Variants in MAST4 observed in about 807,000 individuals in gnomAD.
The protein encoded by MAST4 is microtubule-associated serine/threonine-protein kinase 4.
MAST4 carries 89 observed loss-of-function variants against 162.7 expected under a neutral mutation model. That is an observed-to-expected ratio of 0.55 (90% CI 0.46 to 0.65). The LOEUF is 0.65. MAST4 is among the 30% of genes least tolerant of loss of function. The pLI, the probability that MAST4 is intolerant of heterozygous loss-of-function variation, is 0.00. For missense variants in MAST4, 3,153 were observed against 3,374.0 expected, an observed-to-expected ratio of 0.93 and a Z score of 1.62; for synonymous variants, 1,479 against 1,361.1, an observed-to-expected ratio of 1.09 and a Z score of -1.91.
At position 67,166,848 on chromosome 5, in the gene MAST4, G is replaced by T. The variant is rs756182168; in HGVS notation, c.7669G>T (p.Val2557Leu). Reference sequence around the variant, plus strand: ...CAGGGCTCTCTCGGTGACTGCCACCGTAGGGGAAACCAAAGGGAAGGACCC... The same window carrying T: ...CAGGGCTCTCTCGGTGACTGCCACCTTAGGGGAAACCAAAGGGAAGGACCC... ...RDRALSVTATVGETKGKDPAP... is the reference protein window; with the variant it reads ...RDRALSVTATLGETKGKDPAP... The change falls in exon 29 of 29, where the codon GTA becomes TTA. Residue 2557 changes from valine (V) to leucine (L), a missense_variant. Transcript: ENST00000403625. 5 of 1,605,244 alleles carry T rather than the reference G, an allele frequency of 3.1e-6. No individual in the cohort carries two copies. The highest frequency in any genetic ancestry group is 2.2e-5 in the East Asian group (1 of 44,578).
chr5:66,767,783 C>T (rs1454304242), intron 2 of MAST4, among the ~76,000 whole-genome samples: 2 of 152,040 alleles, frequency 1.3e-5, no homozygotes, highest in Admixed American at 6.5e-5. Context: ...GCATCCAGCA[C>T]GAGAGAAAGA....
chr5:67,102,647 C>T (rs763480825), intron 9 of MAST4, 36 bp downstream of exon 9: 23 of 1,502,518 alleles, frequency 1.5e-5, no homozygotes, highest in East Asian at 9.0e-5. Context: ...AGCATCTAAA[C>T]GAACAGGCAC....
At chr5:67,155,265 G>A (rs886390411) in intron 26 of MAST4, among the ~76,000 whole-genome samples, 4 of 152,046 alleles carry the variant, frequency 2.6e-5, no homozygotes, top group African/African-American at 7.2e-5. Context: ...CAGCATCCTC[G>A]ATCCATGGAA....
intron 3 of MAST4, among the ~76,000 whole-genome samples, chr5:66,845,085 TTATATATATA>T (rs752796951): frequency 0.025 from 1,455 of 57,980 alleles, 50 homozygotes; most frequent in Middle Eastern, 0.097. Context: ...TCACTAATCT[TTATATATATA>T]TATATATATA....
At position 66,755,372 on chromosome 5, in the gene MAST4, A is replaced by G. The variant is rs80188983; in HGVS notation, c.364-4337A>G. Among the ~76,000 whole-genome samples, 569 of 152,342 alleles carry G rather than the reference A, an allele frequency of 3.7e-3. 3 individuals are homozygous for G. Among genetic ancestry groups the G allele is most frequent in the African/African-American group, 0.013 (535 of 41,572 alleles). On this transcript the variant is annotated intron_variant, in intron 1 of 28. Transcript: ENST00000403625. ...TGACCACTGTTAATATTTAAAAACT[A>G]TGAATTACAGAACCCATGTGCTTGG...
intron 4 of MAST4, among the ~76,000 whole-genome samples, chr5:66,904,899 G>T (rs1432846744): frequency 6.6e-6 from 1 of 152,134 alleles, no homozygotes; most frequent in Non-Finnish European, 1.5e-5. Context: ...TACCCAAACA[G>T]TAGTTTTCCA....
intron 4 of MAST4, among the ~76,000 whole-genome samples, chr5:66,966,333 G>GA (rs1253458390): frequency 6.6e-6 from 1 of 152,084 alleles, no homozygotes; most frequent in South Asian, 2.1e-4. Context: ...CTAAGTGTTT[G>GA]AAAAAATGCT....
chr5:67,062,166 C>T (rs1214407520), intron 5 of MAST4, among the ~76,000 whole-genome samples: 2 of 152,188 alleles, frequency 1.3e-5, no homozygotes, highest in Non-Finnish European at 2.9e-5. Context: ...CTTTGGGAGG[C>T]TGAGGTGGGC....
chr5:66,965,589 G>GA (rs1190341110), intron 4 of MAST4, among the ~76,000 whole-genome samples: 1 of 12,608 alleles, frequency 7.9e-5, no homozygotes, highest in South Asian at 3.7e-3. Context: ...GGTGGGGGCG[G>GA]GGGGGGGGGC....
intron 10 of MAST4, among the ~76,000 whole-genome samples, chr5:67,105,514 C>T (rs1343810145): frequency 1.3e-5 from 2 of 152,234 alleles, no homozygotes; most frequent in Non-Finnish European, 2.9e-5. Context: ...CCCGATTTCT[C>T]ACATTGCAAC....
chr5:66,972,187 T>C (rs1747522032), intron 4 of MAST4, among the ~76,000 whole-genome samples: 1 of 152,208 alleles, frequency 6.6e-6, no homozygotes, highest in Non-Finnish European at 1.5e-5. Flanking sequence ...CTGACCTTTG[T>C]ATCAAGGATG....
chr5:66,694,283 G>A (rs1275367689), intron 1 of MAST4, among the ~76,000 whole-genome samples: 2 of 152,132 alleles, frequency 1.3e-5, no homozygotes, highest in Admixed American at 1.3e-4. Context: ...TGAGAAGCCA[G>A]TAAAAGTGTG....
intron 3 of MAST4, among the ~76,000 whole-genome samples, chr5:66,804,668 A>G (rs988981136): frequency 3.3e-5 from 5 of 152,220 alleles, no homozygotes; most frequent in African/African-American, 7.2e-5. Context: ...TTGCTAAACA[A>G]TAATTTGATC....
chr5:67,082,064 A>G (rs1320357431), intron 5 of MAST4, among the ~76,000 whole-genome samples: 2 of 152,132 alleles, frequency 1.3e-5, no homozygotes, highest in African/African-American at 4.8e-5. Context: ...GCTCCCCCAC[A>G]AATTTCATAA....
rs758838862 is a variant in MAST4, at chr5:67,163,355, G to A, written c.4176G>A (p.Pro1392=). The part of the protein sequence containing the change: ...TPSPTPQPTS[P]QRSPSPLLGH... ...CTCCAACCCCGCAACCCACCTCCCCGCAGCGGTCACCATCCCCTCTTCTGG... is the reference window on the plus strand; with the variant it reads ...CTCCAACCCCGCAACCCACCTCCCCACAGCGGTCACCATCCCCTCTTCTGG... The change falls in exon 29 of 29, where the codon CCG becomes CCA. Residue 1392 remains proline, a synonymous_variant. Transcript: ENST00000403625. This position sits in a 1 kb window ranked among gnomAD's most constrained non-coding sequence, Gnocchi z 7.0. 19 of 1,612,376 alleles carry A rather than the reference G, an allele frequency of 1.2e-5. No individual in the cohort carries two copies. The South Asian group carries it at 1.8e-4, about 15-fold the overall frequency.
chr5:67,012,009 T>A (rs1159548120), intron 4 of MAST4, among the ~76,000 whole-genome samples: 1 of 152,164 alleles, frequency 6.6e-6, no homozygotes, highest in African/African-American at 2.4e-5. Flanking sequence ...TGTGTGTGTG[T>A]GAGAGAGAGT....
intron 1 of MAST4, among the ~76,000 whole-genome samples, chr5:66,733,584 A>C (rs1335128776): frequency 6.6e-6 from 1 of 151,962 alleles, no homozygotes; most frequent in East Asian, 1.9e-4. Flanking sequence ...CAGCCTTCCA[A>C]GTAGTGGGGA....
intron 4 of MAST4, among the ~76,000 whole-genome samples, chr5:67,038,214 T>G (rs1013003287): frequency 1.0e-4 from 15 of 149,088 alleles, no homozygotes; most frequent in African/African-American, 3.7e-4. Flanking sequence ...ATATGCTGCT[T>G]TATCTTTATT....
At position 66,788,756 on chromosome 5, in the gene MAST4, G is replaced by C; in HGVS notation, c.604G>C (p.Ala202Pro). The change falls in exon 3 of 29, where the codon GCC becomes CCC. Residue 202 changes from alanine to proline, a missense_variant. Transcript: ENST00000403625. ...CAACCTCGTGCGCATGCGCAGCCAGGCCCTGGGCCAGTCGGCGCCCTCGCT... is the reference window on the plus strand; with the variant it reads ...CAACCTCGTGCGCATGCGCAGCCAGCCCCTGGGCCAGTCGGCGCCCTCGCT... ...TSNLVRMRSQ[A>P]LGQSAPSLTA... is the part of the protein sequence containing the mutation. The C allele has an allele frequency of 1.2e-6, 2 of 1,608,318 alleles. No individual in the cohort carries two copies. Among genetic ancestry groups the C allele is most frequent in the Non-Finnish European group, 1.7e-6 (2 of 1,176,726 alleles).
Sources: gnomAD v4.1 joint callset for allele counts (sites outside exome capture counted in the v4.1 genomes callset) on GRCh38, gnomAD v4.1.1 for gene constraint, Gnocchi (gnomAD v3.1) non-coding constraint, MANE v1.5 for transcripts, NCBI Gene and HGNC (gene_info 2026-07-23, HGNC 2026-07-21) for gene names.